KCNH5: variants seen among roughly 807,000 people sequenced by gnomAD.
The protein encoded by KCNH5 is voltage-gated delayed rectifier potassium channel KCNH5.
In KCNH5, 46 loss-of-function variants were observed where a neutral mutation model predicts 96.1. The ratio of observed to expected loss-of-function variants is 0.48; its 90% confidence interval spans 0.38 to 0.61. The LOEUF (loss-of-function observed/expected upper bound fraction) is 0.61, where lower values mean the gene tolerates loss of function less well. Ranked by LOEUF, KCNH5 falls within the 20% of genes least tolerant of loss-of-function variation. The probability of loss-of-function intolerance (pLI) is 0.00; values close to 1 mark genes in which losing one functional copy is unlikely to be tolerated. For missense variants in KCNH5, 907 were observed against 1,225.8 expected (o/e 0.74, Z 3.88); for synonymous variants, 439 against 449.8 (o/e 0.98, Z 0.30).
intron 9 of KCNH5, among the ~76,000 whole-genome samples, chr14:62,793,678 A>AT (rs1030327531): frequency 2.4e-4 from 37 of 151,740 alleles, no homozygotes; most frequent in African/African-American, 8.9e-4. Context: ...CACTTAAAAA[A>AT]TTTTTTTAAG....
intron 1 of KCNH5, among the ~76,000 whole-genome samples, chr14:63,041,972 A>C (rs1891832968): frequency 6.6e-6 from 1 of 152,134 alleles, no homozygotes; most frequent in Admixed American, 6.5e-5. Flanking sequence ...CAAATATGCC[A>C]CACTTCTTGC....
chr14:62,991,113 G>T (rs1890800924), intron 4 of KCNH5, among the ~76,000 whole-genome samples: 1 of 151,894 alleles, frequency 6.6e-6, no homozygotes, highest in Non-Finnish European at 1.5e-5. Context: ...ACACATAGTG[G>T]GCACTAGATC....
chr14:62,745,374 C>T (rs1028146806), intron 10 of KCNH5, among the ~76,000 whole-genome samples: 3 of 152,030 alleles, frequency 2.0e-5, no homozygotes, highest in Admixed American at 2.0e-4. Flanking sequence ...GAAAAGAAAA[C>T]CTTAAACTAA....
intron 7 of KCNH5, among the ~76,000 whole-genome samples, chr14:62,854,037 C>T (rs1236679480): frequency 6.9e-6 from 1 of 145,956 alleles, no homozygotes; most frequent in Non-Finnish European, 1.5e-5. Flanking sequence ...ACAAAAAAAA[C>T]AACCCTCATT....
intron 8 of KCNH5, among the ~76,000 whole-genome samples, chr14:62,848,550 C>T (rs1887742479): frequency 6.6e-6 from 1 of 152,092 alleles, no homozygotes; most frequent in Non-Finnish European, 1.5e-5. Context: ...GGCTTCTCTC[C>T]CTCAACTCCT....
chr14:62,830,931 C>T (rs1887333884), intron 8 of KCNH5, among the ~76,000 whole-genome samples: 1 of 152,102 alleles, frequency 6.6e-6, no homozygotes, highest in Non-Finnish European at 1.5e-5. Flanking sequence ...TTACTTCCTT[C>T]CCTTCCTCGC....
chr14:62,845,023 A>G (rs567106000), intron 8 of KCNH5, among the ~76,000 whole-genome samples: 195 of 152,314 alleles, frequency 1.3e-3, no homozygotes, highest in Non-Finnish European at 2.1e-3. Flanking sequence ...ACCAGAGAAG[A>G]GAAGCATTAA....
At chr14:62,733,298 G>A (rs1885089819) in intron 10 of KCNH5, among the ~76,000 whole-genome samples, 1 of 152,106 alleles carries the variant, frequency 6.6e-6, no homozygotes, top group Non-Finnish European at 1.5e-5. Context: ...CATGAGGGTA[G>A]AACCCTTATG....
At chr14:63,015,793 T>A (rs1040444669) in intron 2 of KCNH5, among the ~76,000 whole-genome samples, 19 of 152,068 alleles carry the variant, frequency 1.2e-4, no homozygotes, top group African/African-American at 4.3e-4. Flanking sequence ...AATATCATAT[T>A]TTTGATCTGT....
At chr14:62,765,997 A>G (rs1453615677) in intron 10 of KCNH5, among the ~76,000 whole-genome samples, 3 of 152,198 alleles carry the variant, frequency 2.0e-5, no homozygotes, top group Non-Finnish European at 4.4e-5. Context: ...ACTCTATAGG[A>G]AATATCTAAT....
chr14:62,910,918 C>CACAT (rs1304965900), intron 7 of KCNH5, among the ~76,000 whole-genome samples: 1 of 140,966 alleles, frequency 7.1e-6, no homozygotes, highest in Non-Finnish European at 1.5e-5. Context: ...CACACACACA[C>CACAT]ACACACACAC....
At chr14:62,839,627 A>G (rs1354587565) in intron 8 of KCNH5, among the ~76,000 whole-genome samples, 4 of 152,226 alleles carry the variant, frequency 2.6e-5, no homozygotes, top group African/African-American at 9.6e-5. Flanking sequence ...TATTAGAGTA[A>G]TATTTTAAAC....
intron 8 of KCNH5, among the ~76,000 whole-genome samples, chr14:62,827,597 CTATTGTTGTTTTGTTGTATA>C (rs1887252993): frequency 1.3e-5 from 2 of 152,236 alleles, no homozygotes; most frequent in African/African-American, 4.8e-5. Context: ...AAATGTTGCT[CTATTGTTGTTTTGTTGTATA>C]TATTACTATC....
intron 7 of KCNH5, among the ~76,000 whole-genome samples, chr14:62,861,637 T>TAC (rs142699720): frequency 0.068 from 9,690 of 141,734 alleles, 372 homozygotes; most frequent in South Asian, 0.1. Context: ...CATCTCCATT[T>TAC]ACACACACAC....
In KCNH5 at chr14:62,754,500, T is replaced by G. The variant is rs186335244; in HGVS notation, c.2019+25228A>C. On this transcript the variant is annotated intron_variant, in intron 10 of 10. Transcript: ENST00000322893. The stretch of plus-strand genomic sequence containing the variant: ...ACAAGATCCAATGATCTGTTGCCTA[T>G]AAGAAACATATTTCACCTATAAAGC... Among the ~76,000 whole-genome samples the G allele has an allele frequency of 2.4e-4, 36 of 151,522 alleles. 1 individual carries two copies. Among genetic ancestry groups the G allele is most frequent in the African/African-American group, 8.5e-4 (35 of 41,280 alleles).
At chr14:63,019,539 TACA>T (rs1891387755) in intron 1 of KCNH5, among the ~76,000 whole-genome samples, 1 of 152,044 alleles carries the variant, frequency 6.6e-6, no homozygotes. Context: ...GGCCCTCACA[TACA>T]ACGTCAACAG....
At chr14:62,756,250 T>A (rs892956130) in intron 10 of KCNH5, among the ~76,000 whole-genome samples, 1 of 151,994 alleles carries the variant, frequency 6.6e-6, no homozygotes, top group African/African-American at 2.4e-5. Flanking sequence ...TAGAGAATAA[T>A]AAGATCACTA....
intron 7 of KCNH5, among the ~76,000 whole-genome samples, chr14:62,887,424 T>C (rs1250193695): frequency 6.6e-6 from 1 of 152,192 alleles, no homozygotes; most frequent in Non-Finnish European, 1.5e-5. Context: ...ATATGATGAA[T>C]ATTTCCAGAA....
intron 9 of KCNH5, among the ~76,000 whole-genome samples, chr14:62,790,170 C>T (rs1886403804): frequency 1.3e-5 from 2 of 151,682 alleles, no homozygotes; most frequent in Admixed American, 6.6e-5. Flanking sequence ...ATTAATTTCC[C>T]ATTGTGGCCT....
Sources: allele counts gnomAD v4.1 joint callset (sites outside exome capture counted in the v4.1 genomes callset), GRCh38; gene constraint gnomAD v4.1.1; transcripts MANE v1.5; gene names NCBI Gene and HGNC (gene_info 2026-07-23, HGNC 2026-07-21).